CPNE4: variants seen among roughly 807,000 people sequenced by gnomAD.
The protein encoded by CPNE4 is copine 4, also known as copine-4.
CPNE4 carries 25 observed loss-of-function variants against 67.9 expected under a neutral mutation model. The ratio of observed to expected loss-of-function variants is 0.37; its 90% CI spans 0.27 to 0.51. The LOEUF is 0.51. CPNE4 is among the 20% of genes least tolerant of loss of function. The pLI is 0.93. For synonymous variants in CPNE4, 242 were observed against 244.9 expected, an observed-to-expected ratio of 0.99 and a Z score of 0.11; for missense variants, 464 against 690.8, an observed-to-expected ratio of 0.67 and a Z score of 3.68.
chr3:131,939,330 A>T (rs560883388), intron 1 of CPNE4, among the ~76,000 whole-genome samples: 4 of 150,336 alleles, frequency 2.7e-5, no homozygotes, highest in African/African-American at 9.7e-5. Flanking sequence ...GATCTCCAGG[A>T]TGTATTATTG....
chr3:131,542,489 A>G lies in CPNE4; in HGVS notation c.1539+68T>C, dbSNP rs549342241. 348 of 1,036,474 alleles carry G rather than the reference A, an allele frequency of 3.4e-4. 5 individuals are homozygous for G. In the Admixed American group the frequency reaches 3.6e-3, roughly 11 times the overall value. The allele number at this position is 1,036,474 out of a possible 1,614,324, so 64.2% of individuals were successfully genotyped here. ...GGATCACCATAAACATTGGTGGACA[A>G]ATGTGGGAGGTGAGCATGCTTTGGT... is the stretch of plus-strand genomic sequence containing the variant. On this transcript the variant is annotated intron_variant, in intron 15 of 15. Coordinates refer to ENST00000429747, the MANE Select transcript of CPNE4 (RefSeq NM_130808.3).
At chr3:131,988,115 C>T (rs1321443694) in intron 1 of CPNE4, among the ~76,000 whole-genome samples, 1 of 152,154 alleles carries the variant, frequency 6.6e-6, no homozygotes, top group African/African-American at 2.4e-5. Flanking sequence ...TTCCCCTTCC[C>T]CCAGGATTTA....
At chr3:131,796,045 A>T (rs891681662) in intron 2 of CPNE4, among the ~76,000 whole-genome samples, 1 of 152,170 alleles carries the variant, frequency 6.6e-6, no homozygotes, top group Non-Finnish European at 1.5e-5. Flanking sequence ...CATGGGAGTC[A>T]TTTAACTTAT....
intron 10 of CPNE4, among the ~76,000 whole-genome samples, chr3:131,567,352 G>T (rs1206659558): frequency 6.6e-6 from 1 of 151,950 alleles, no homozygotes; most frequent in East Asian, 1.9e-4. Context: ...ATCTAGATAA[G>T]TGTGTGTAAT....
At chr3:131,876,760 C>T (rs2087477200) in intron 2 of CPNE4, among the ~76,000 whole-genome samples, 1 of 151,650 alleles carries the variant, frequency 6.6e-6, no homozygotes, top group African/African-American at 2.4e-5. Flanking sequence ...TAGTAACTGA[C>T]AAAAGGTGGC....
At chr3:131,848,969 A>AAAAAAAAAAC (rs2086120642) in intron 2 of CPNE4, among the ~76,000 whole-genome samples, 1 of 148,586 alleles carries the variant, frequency 6.7e-6, no homozygotes, top group Non-Finnish European at 1.5e-5. Flanking sequence ...AAAAAAAAAA[A>AAAAAAAAAAC]AAAAAAAAAA....
chr3:131,920,279 T>C (rs906369971), intron 1 of CPNE4, among the ~76,000 whole-genome samples: 2 of 152,198 alleles, frequency 1.3e-5, no homozygotes, highest in African/African-American at 4.8e-5. Context: ...TTTATTAACA[T>C]GAAAACATTT....
chr3:131,760,537 G>C (rs1339884236), intron 2 of CPNE4, among the ~76,000 whole-genome samples: 2 of 152,084 alleles, frequency 1.3e-5, no homozygotes, highest in African/African-American at 4.8e-5. Context: ...ACTTTAGGAG[G>C]TCATCTCAGC....
chr3:131,695,478 A>C (rs944958233), intron 5 of CPNE4, among the ~76,000 whole-genome samples: 1 of 152,350 alleles, frequency 6.6e-6, no homozygotes. Flanking sequence ...GGTACTTAAG[A>C]GCATACTAAG....
At chr3:131,953,917 G>A (rs1032590176) in intron 1 of CPNE4, among the ~76,000 whole-genome samples, 2 of 152,028 alleles carry the variant, frequency 1.3e-5, no homozygotes, top group Non-Finnish European at 2.9e-5. Flanking sequence ...CACAAAGAAA[G>A]GAAAACATTT....
At chr3:131,571,498 G>A (rs1019201208) in intron 10 of CPNE4, among the ~76,000 whole-genome samples, 3 of 151,966 alleles carry the variant, frequency 2.0e-5, no homozygotes, top group Non-Finnish European at 2.9e-5. Flanking sequence ...CTGTTGCCTC[G>A]CGTATTTCCC....
intron 2 of CPNE4, among the ~76,000 whole-genome samples, chr3:131,903,443 C>T (rs1687790278): frequency 6.6e-6 from 1 of 151,922 alleles, no homozygotes; most frequent in South Asian, 2.1e-4. Flanking sequence ...AAAATCAGTC[C>T]TTATCCAATT....
chr3:131,713,970 G>A (rs544609042), intron 3 of CPNE4, among the ~76,000 whole-genome samples: 3 of 152,092 alleles, frequency 2.0e-5, no homozygotes, highest in South Asian at 2.1e-4. Context: ...GATTACTTAT[G>A]ACATCATTCA....
At chr3:131,991,209 A>G (rs1583568977) in intron 1 of CPNE4, among the ~76,000 whole-genome samples, 1 of 136,206 alleles carries the variant, frequency 7.3e-6, no homozygotes, top group East Asian at 2.4e-4. Flanking sequence ...GGTAACAGGC[A>G]GAGGTTGGAA....
intron 1 of CPNE4, among the ~76,000 whole-genome samples, chr3:132,020,088 T>C (rs1464790197): frequency 6.8e-6 from 1 of 147,094 alleles, no homozygotes; most frequent in African/African-American, 2.5e-5. Flanking sequence ...CTGTTCCTCT[T>C]ACCCTTCTCT....
chr3:131,912,981 C>T (rs1255823755), intron 1 of CPNE4, among the ~76,000 whole-genome samples: 1 of 152,042 alleles, frequency 6.6e-6, no homozygotes, highest in African/African-American at 2.4e-5. Context: ...TATTACTTAT[C>T]TTAGGAACAG....
intron 7 of CPNE4, among the ~76,000 whole-genome samples, chr3:131,622,147 C>T (rs1940511697): frequency 6.6e-6 from 1 of 151,792 alleles, no homozygotes; most frequent in African/African-American, 2.4e-5. Context: ...GTCTCTGTAA[C>T]TCAGAGACGG....
intron 2 of CPNE4, among the ~76,000 whole-genome samples, chr3:131,847,328 A>G (rs2086040966): frequency 6.6e-6 from 1 of 152,206 alleles, no homozygotes; most frequent in African/African-American, 2.4e-5. Flanking sequence ...CCTCCAGTAA[A>G]GAAGGGAATT....
intron 7 of CPNE4, among the ~76,000 whole-genome samples, chr3:131,588,198 G>A (rs1486918490): frequency 6.6e-6 from 1 of 152,064 alleles, no homozygotes; most frequent in Admixed American, 6.6e-5. Context: ...TACCACACTG[G>A]TAAATATTAT....
Sources: allele counts gnomAD v4.1 joint callset (sites outside exome capture counted in the v4.1 genomes callset), GRCh38; gene constraint gnomAD v4.1.1; transcripts MANE v1.5; gene names NCBI Gene and HGNC (gene_info 2026-07-23, HGNC 2026-07-21).